The following SELENOI variants were observed in gnomAD, a reference collection of about 807,000 sequenced individuals.
SELENOI encodes ethanolaminephosphotransferase 1.
A neutral mutation model predicts 50.7 loss-of-function variants in SELENOI; 24 were observed. The ratio of observed to expected loss-of-function variants is 0.47; its 90% CI spans 0.34 to 0.67. The LOEUF (loss-of-function observed/expected upper bound fraction) is 0.67, where lower values mean the gene tolerates loss of function less well. Among genes scored for constraint, SELENOI ranks in the 30% least tolerant of loss-of-function variants. The probability of loss-of-function intolerance (pLI) is 0.01; values close to 1 mark genes in which losing one functional copy is unlikely to be tolerated. For missense variants in SELENOI, 352 were observed against 461.4 expected, an observed-to-expected ratio of 0.76 and a Z score of 2.17; for synonymous variants, 155 against 170.2, an observed-to-expected ratio of 0.91 and a Z score of 0.70.
Position 26,394,921 on chromosome 2 carries a change from AGAG to A in SELENOI, c.*5821_*5823del, listed in dbSNP as rs1678056188. On this transcript the variant is annotated 3_prime_UTR_variant, in exon 10 of 10. Coordinates refer to ENST00000260585, the MANE Select transcript of SELENOI (RefSeq NM_033505.4). This position sits in a 1 kb window ranked among gnomAD's most constrained non-coding sequence, Gnocchi z 4.1. ...TGGCTTTCTGTAGTGTTCTGAAACA[AGAG>A]GACGATTCCATTCCTTCTCAGGAAC... 1 of 152,236 alleles carries A rather than the reference AGAG, an allele frequency of 6.6e-6. No homozygotes were observed. Among genetic ancestry groups the A allele is most frequent in the African/African-American group, 2.4e-5 (1 of 41,462 alleles). 9.4% of individuals were successfully genotyped at this position (152,236 alleles called of 1,614,324 possible).
chr2:26,388,153 T>C (rs1677885596), intron 9 of SELENOI, among the ~76,000 whole-genome samples: 1 of 152,242 alleles, frequency 6.6e-6, no homozygotes, highest in Admixed American at 6.5e-5. Flanking sequence ...ATATACCTTA[T>C]ATCAATACTC....
chr2:26,383,426 C>G, intron 7 of SELENOI, 79 bp downstream of exon 7: 1 of 1,014,714 alleles, frequency 9.9e-7, no homozygotes, highest in Admixed American at 2.5e-5. Flanking sequence ...GATCTATTTT[C>G]CTTTTGGAGT....
intron 4 of SELENOI, among the ~76,000 whole-genome samples, chr2:26,371,357 G>A (rs1243401300): frequency 2.6e-5 from 4 of 151,446 alleles, no homozygotes; most frequent in South Asian, 2.1e-4. Context: ...GGGCAGAGGC[G>A]CTCCCCACAT....
chr2:26,355,433 C>A (rs1408127498), intron 1 of SELENOI, among the ~76,000 whole-genome samples: 1 of 152,230 alleles, frequency 6.6e-6, no homozygotes, highest in Admixed American at 6.5e-5. Context: ...ATTTAAGAGT[C>A]AGCAGTGGCT....
At chr2:26,377,648 T>G (rs1312538521) in intron 6 of SELENOI, among the ~76,000 whole-genome samples, 1 of 152,030 alleles carries the variant, frequency 6.6e-6, no homozygotes, top group Non-Finnish European at 1.5e-5. Flanking sequence ...AAAAAAGTTA[T>G]TGTACTTTTC....
At chr2:26,348,192 G>A (rs560490730) in intron 1 of SELENOI, among the ~76,000 whole-genome samples, 3 of 152,066 alleles carry the variant, frequency 2.0e-5, no homozygotes, top group Admixed American at 6.6e-5. Context: ...TTATCGTTGC[G>A]TTCCCCTTAT....
intron 3 of SELENOI, among the ~76,000 whole-genome samples, chr2:26,365,644 G>A (rs1677270962): frequency 6.6e-6 from 1 of 152,172 alleles, no homozygotes; most frequent in African/African-American, 2.4e-5. Context: ...TTTTCCAACA[G>A]TAATACTTAG....
intron 4 of SELENOI, among the ~76,000 whole-genome samples, chr2:26,371,754 C>G (rs571067700): frequency 3.9e-5 from 6 of 152,264 alleles, no homozygotes; most frequent in South Asian, 2.1e-4. Context: ...GCAGGCACTC[C>G]GCAGGCTGAG....
At chr2:26,378,734 AT>A (rs34978221) in intron 6 of SELENOI, among the ~76,000 whole-genome samples, 42,321 of 152,012 alleles carry the variant, frequency 0.28, 6,876 homozygotes, top group Non-Finnish European at 0.35. Context: ...TGTTTTAAAT[AT>A]TTTTGTCTGG....
At chr2:26,348,143 C>T (rs766064744) in intron 1 of SELENOI, among the ~76,000 whole-genome samples, 6 of 152,316 alleles carry the variant, frequency 3.9e-5, no homozygotes, top group Non-Finnish European at 8.8e-5. Flanking sequence ...TCCATGGGAT[C>T]AGTTTTGCTT....
At chr2:26,347,638 G>T (rs892828911) in intron 1 of SELENOI, among the ~76,000 whole-genome samples, 14 of 152,156 alleles carry the variant, frequency 9.2e-5, no homozygotes, top group African/African-American at 3.4e-4. Flanking sequence ...GATACCTCCT[G>T]TTTTGCCTTA....
intron 4 of SELENOI, among the ~76,000 whole-genome samples, chr2:26,370,497 C>G (rs1677394802): frequency 6.7e-6 from 1 of 149,152 alleles, no homozygotes; most frequent in African/African-American, 2.5e-5. Flanking sequence ...GCTGACCCCC[C>G]CACCTCCCTC....
At chr2:26,388,743 AGATTTG>A (rs1677901168) in intron 9 of SELENOI, among the ~76,000 whole-genome samples, 1 of 152,162 alleles carries the variant, frequency 6.6e-6, no homozygotes, top group Non-Finnish European at 1.5e-5. Flanking sequence ...ATAGTTTTTC[AGATTTG>A]GATGTGAATT....
At chr2:26,379,159 G>A (rs1340756568) in intron 6 of SELENOI, among the ~76,000 whole-genome samples, 1 of 152,198 alleles carries the variant, frequency 6.6e-6, no homozygotes, top group African/African-American at 2.4e-5. Flanking sequence ...AGCTACTCGG[G>A]AGGCTGAGGC....
chr2:26,383,023 C>T (rs1677741132), intron 6 of SELENOI, among the ~76,000 whole-genome samples: 1 of 152,118 alleles, frequency 6.6e-6, no homozygotes. Context: ...GAAACTGAGG[C>T]AGTAAAACAC....
At chr2:26,372,897 A>T (rs912029473) in intron 4 of SELENOI, among the ~76,000 whole-genome samples, 1 of 151,916 alleles carries the variant, frequency 6.6e-6, no homozygotes, top group South Asian at 2.1e-4. Context: ...TTTGTTTAAA[A>T]TTTTTTTTAG....
At chr2:26,369,784 C>G (rs1379679947) in intron 4 of SELENOI, among the ~76,000 whole-genome samples, 1 of 152,226 alleles carries the variant, frequency 6.6e-6, no homozygotes, top group Non-Finnish European at 1.5e-5. Flanking sequence ...ATGCTAGTCT[C>G]TAGTCAAACT....
chr2:26,352,856 A>C (rs912498241), intron 1 of SELENOI, among the ~76,000 whole-genome samples: 16 of 151,926 alleles, frequency 1.1e-4, no homozygotes, highest in Admixed American at 5.9e-4. Flanking sequence ...AAAAAAAAAA[A>C]AAACCAGAAT....
chr2:26,346,492 C>A (rs577221213), intron 1 of SELENOI: 7 of 536,102 alleles, frequency 1.3e-5, no homozygotes, highest in Non-Finnish European at 2.2e-5. Flanking sequence ...GTAGTCGGCA[C>A]CCCCCGGGAG....
Sources: gnomAD v4.1 joint callset for allele counts (sites outside exome capture counted in the v4.1 genomes callset) on GRCh38, gnomAD v4.1.1 for gene constraint, Gnocchi (gnomAD v3.1) non-coding constraint, MANE v1.5 for transcripts, NCBI Gene and HGNC (gene_info 2026-07-23, HGNC 2026-07-21) for gene names.